Variants in PHB1 observed in about 807,000 individuals in gnomAD.
The protein encoded by PHB1 is prohibitin 1.
the PHB1 span, chr17:49,404,586 C>A: frequency 3.5e-6 from 1 of 285,302 alleles, no homozygotes; most frequent in Non-Finnish European, 6.8e-6. Flanking sequence ...TGCCCTCATC[C>A]GCAAACCTTC....
chr17:49,409,533 T>TC, the PHB1 span: 6 of 1,099,040 alleles, frequency 5.5e-6, no homozygotes, highest in Non-Finnish European at 7.5e-6. Context: ...AAAACAAGTG[T>TC]TTTTTTTTTG....
chr17:49,412,804 T>C, the PHB1 span: 1 of 182,196 alleles, frequency 5.5e-6, no homozygotes, highest in Non-Finnish European at 1.2e-5. Context: ...CAGCCTTTGC[T>C]GTTATTCCAC....
chr17:49,406,334 A>G, the PHB1 span, among the ~76,000 whole-genome samples: 2 of 152,242 alleles, frequency 1.3e-5, no homozygotes, highest in East Asian at 1.9e-4. Flanking sequence ...GTCCCATCAC[A>G]TTCTTTGACA....
At chr17:49,408,126 G>A in the PHB1 span, among the ~76,000 whole-genome samples, 10 of 152,274 alleles carry the variant, frequency 6.6e-5, no homozygotes, top group African/African-American at 2.4e-4. Context: ...CGGTAATTAC[G>A]AGGGAAGGGC....
the PHB1 span, chr17:49,412,051 T>C: frequency 1.9e-6 from 1 of 529,580 alleles, no homozygotes; most frequent in Non-Finnish European, 3.3e-6. Context: ...GGATTGGTAA[T>C]AGGACCTGTT....
chr17:49,413,457 G>A, the PHB1 span, among the ~76,000 whole-genome samples: 1 of 150,384 alleles, frequency 6.6e-6, no homozygotes, highest in African/African-American at 2.5e-5. Flanking sequence ...TTTATAGCTT[G>A]GAAAGTGTAC....
chr17:49,404,974 T>C, the PHB1 span: 1 of 1,523,482 alleles, frequency 6.6e-7, no homozygotes, highest in South Asian at 1.2e-5. Context: ...CCCGCGGAGG[T>C]GCAGGCAGGG....
At chr17:49,408,789 C>T in the PHB1 span, 1 of 429,688 alleles carries the variant, frequency 2.3e-6, no homozygotes, top group Non-Finnish European at 4.2e-6. Flanking sequence ...GAAGGTAAAA[C>T]ATTTAGTGGT....
the PHB1 span, chr17:49,408,986 G>C: frequency 1.9e-6 from 2 of 1,059,904 alleles, no homozygotes; most frequent in Non-Finnish European, 2.8e-6. Context: ...ATGGAGCCAG[G>C]CACCTAAACG....
the PHB1 span, chr17:49,404,302 G>A: frequency 2.6e-5 from 4 of 152,572 alleles, no homozygotes; most frequent in Non-Finnish European, 5.9e-5. Flanking sequence ...CTCACATCTC[G>A]GTCCAGGCCT....
the PHB1 span, chr17:49,411,755 A>G: frequency 6.2e-7 from 1 of 1,614,016 alleles, no homozygotes; most frequent in Non-Finnish European, 8.5e-7. Context: ...TACCCACGGG[A>G]TGAGAAAATG....
chr17:49,408,710 T>G, the PHB1 span: 1 of 215,222 alleles, frequency 4.6e-6, no homozygotes, highest in South Asian at 8.6e-5. Context: ...TTCTCTGGTC[T>G]CTACCAGGCA....
chr17:49,404,543 G>A, the PHB1 span: 5 of 246,174 alleles, frequency 2.0e-5, no homozygotes, highest in Non-Finnish European at 4.0e-5. Context: ...CCGCTGGGAA[G>A]ACGGAGGCCT....
chr17:49,409,548 T>TG, the PHB1 span: 3,814 of 956,806 alleles, frequency 4.0e-3, 105 homozygotes, highest in African/African-American at 0.055. Flanking sequence ...TTTTTGTTTT[T>TG]TTTTTTTTTT....
At chr17:49,407,129 C>T in the PHB1 span, 62 of 425,574 alleles carry the variant, frequency 1.5e-4, no homozygotes, top group South Asian at 1.5e-3. Context: ...TGATGGGGCC[C>T]ACAGGCACCA....
chr17:49,413,389 A>C, the PHB1 span: 3 of 671,892 alleles, frequency 4.5e-6, no homozygotes, highest in African/African-American at 5.4e-5. Flanking sequence ...CTGGCTATTT[A>C]TTTCCCCATT....
the PHB1 span, chr17:49,412,949 G>C: frequency 2.1e-6 from 1 of 479,906 alleles, no homozygotes; most frequent in East Asian, 3.6e-5. Context: ...ACTAGGAAGT[G>C]GGCTGGGAAG....
the PHB1 span, among the ~76,000 whole-genome samples, chr17:49,408,552 G>A: frequency 1.8e-3 from 272 of 152,296 alleles, no homozygotes; most frequent in African/African-American, 6.1e-3. Flanking sequence ...TACCAGGCCT[G>A]GGGGAATCCA....
chr17:49,404,526 A>G, the PHB1 span: 3,630 of 243,512 alleles, frequency 0.015, 132 homozygotes, highest in African/African-American at 0.078. Context: ...CAGCATCTGC[A>G]CAGGAACCGC....
Sources: allele counts gnomAD v4.1 joint callset (sites outside exome capture counted in the v4.1 genomes callset), GRCh38; gene constraint gnomAD v4.1.1; transcripts MANE v1.5; gene names NCBI Gene and HGNC (gene_info 2026-07-23, HGNC 2026-07-21).